The following ANK3 variants were observed in gnomAD, a reference collection of about 807,000 sequenced individuals.
ANK3 encodes ankyrin 3, also known as ankyrin-3.
ANK3 carries 57 observed loss-of-function variants against 370.9 expected under a neutral mutation model. The observed-to-expected ratio is 0.15, with a 90% CI of 0.12 to 0.19. The LOEUF (loss-of-function observed/expected upper bound fraction) is 0.19. Among genes scored for constraint, ANK3 ranks in the 10% least tolerant of loss-of-function variants. The pLI, the probability that ANK3 is intolerant of heterozygous loss-of-function variation, is 1.00. For synonymous variants in ANK3, 1,929 were observed against 1,946.3 expected (o/e 0.99, Z 0.23); for missense variants, 4,439 against 5,302.1 (o/e 0.84, Z 5.06).
At chr10:60,109,756 T>C (rs947595420) in intron 26 of ANK3, among the ~76,000 whole-genome samples, 2 of 152,236 alleles carry the variant, frequency 1.3e-5, no homozygotes, top group Non-Finnish European at 2.9e-5. Flanking sequence ...AATTCTGTCA[T>C]TGGCCTTTTA....
At position 60,072,192 on chromosome 10, in the gene ANK3, A is replaced by G. The variant is rs775667996; in HGVS notation, c.8689T>C (p.Phe2897Leu). 7 of 1,613,886 alleles carry G rather than the reference A, an allele frequency of 4.3e-6. No homozygotes were observed. The highest frequency in any genetic ancestry group is 1.7e-6 in the Non-Finnish European group (2 of 1,179,968). ...ESKSVDQKNE[F>L]MSVTERERKL... ...CGTTCTCTCTCAGTCACAGACATAA[A>G]TTCATTCTTTTGATCAACACTTTTA... The change falls in exon 37 of 44, where the codon TTT becomes CTT. Residue 2897 changes from phenylalanine (F) to leucine (L), a missense_variant. Coordinates refer to ENST00000280772, the MANE Select transcript of ANK3 (RefSeq NM_020987.5).
At chr10:60,254,612 A>G (rs973255825) in intron 7 of ANK3, among the ~76,000 whole-genome samples, 2 of 152,220 alleles carry the variant, frequency 1.3e-5, no homozygotes, top group Non-Finnish European at 2.9e-5. Flanking sequence ...TTCCAAGGTC[A>G]TCTACAGAGC....
chr10:60,095,618 A>C (rs2089951730), intron 28 of ANK3, among the ~76,000 whole-genome samples: 1 of 152,190 alleles, frequency 6.6e-6, no homozygotes, highest in African/African-American at 2.4e-5. Flanking sequence ...CCTGGCCTCA[A>C]GCAATCCTCT....
At chr10:60,643,557 T>C (rs1054032183) in intron 1 of ANK3, among the ~76,000 whole-genome samples, 1 of 149,466 alleles carries the variant, frequency 6.7e-6, no homozygotes, top group African/African-American at 2.5e-5. Flanking sequence ...TCCATCCTAT[T>C]AGCTCTGTAC....
intron 2 of ANK3, among the ~76,000 whole-genome samples, chr10:60,400,009 AGTGTGTGTGTGTGTGTGTGTGTGT>A (rs60224309): frequency 2.7e-5 from 4 of 145,878 alleles, no homozygotes; most frequent in Non-Finnish European, 3.0e-5. Context: ...CCTCCAATAC[AGTGTGTGTGTGTGTGTGTGTGTGT>A]GTGTGTGTGT....
Position 60,470,365 on chromosome 10 carries a change from A to AC in ANK3, c.96+144820dup, listed in dbSNP as rs1285455300. On this transcript the variant is annotated intron_variant, in intron 2 of 43. Transcript: ENST00000373827. ...GTTAGATAACCATGACAATAAATAA[A>AC]CCACAATGATTTCTTGCAAGTCAAC... Among the ~76,000 whole-genome samples, 6 of 152,174 alleles carry AC rather than the reference A, an allele frequency of 3.9e-5. No individual in the cohort carries two copies. The East Asian group carries it at 1.2e-3, about 29-fold the overall frequency.
At chr10:60,617,399 C>T (rs2078280742) in intron 1 of ANK3, among the ~76,000 whole-genome samples, 1 of 152,094 alleles carries the variant, frequency 6.6e-6, no homozygotes, top group African/African-American at 2.4e-5. Flanking sequence ...CACAGACTTT[C>T]CCCAGCACCA....
intron 7 of ANK3, among the ~76,000 whole-genome samples, chr10:60,250,717 C>T (rs1439586084): frequency 6.6e-6 from 1 of 152,124 alleles, no homozygotes; most frequent in East Asian, 1.9e-4. Context: ...GACAAGCCTG[C>T]CTTATATTTC....
intron 1 of ANK3, among the ~76,000 whole-genome samples, chr10:60,623,000 C>T (rs543921816): frequency 6.6e-6 from 1 of 152,208 alleles, no homozygotes; most frequent in African/African-American, 2.4e-5. Flanking sequence ...CCATACAGAA[C>T]TTAAGAGGGC....
At chr10:60,488,929 C>T (rs906102049) in intron 2 of ANK3, among the ~76,000 whole-genome samples, 1 of 152,178 alleles carries the variant, frequency 6.6e-6, no homozygotes, top group African/African-American at 2.4e-5. Flanking sequence ...CATTACCAAA[C>T]ATAGCCTTGG....
chr10:60,470,685 C>A (rs1186555120), intron 2 of ANK3, among the ~76,000 whole-genome samples: 1 of 152,062 alleles, frequency 6.6e-6, no homozygotes, highest in African/African-American at 2.4e-5. Context: ...GCTCTTACTG[C>A]AACCCTTCCA....
At chr10:60,260,725 T>C (rs180711114) in intron 7 of ANK3, among the ~76,000 whole-genome samples, 41 of 152,248 alleles carry the variant, frequency 2.7e-4, no homozygotes, top group African/African-American at 9.4e-4. Flanking sequence ...ACAGCACCAC[T>C]CTTCTTGCTC....
chr10:60,042,947 G>A, intron 42 of ANK3, 188 bp from the exon 43 acceptor site: 1 of 1,386,572 alleles, frequency 7.2e-7, no homozygotes, highest in Non-Finnish European at 9.3e-7. Context: ...GCAAGCTAGA[G>A]AGCACTGTCA....
At position 60,696,432 on chromosome 10, in the gene ANK3, G is replaced by A. The variant is rs1473960811; in HGVS notation, c.57+36831C>T. On this transcript the variant is annotated intron_variant, in intron 1 of 43. Coordinates refer to the ANK3 transcript ENST00000373827. ...CCAGCATCATCCTGATACCAAAGCC[G>A]GGCAGAGACACAACCAAAAAAGAGA... Among the ~76,000 whole-genome samples the A allele has an allele frequency of 5.3e-5, 8 of 150,512 alleles. No individual in the cohort carries two copies. The East Asian group carries it at 7.8e-4, about 15-fold the overall frequency.
At chr10:60,387,557 T>C (rs1049541478) in intron 1 of ANK3, among the ~76,000 whole-genome samples, 1 of 152,208 alleles carries the variant, frequency 6.6e-6, no homozygotes, top group Non-Finnish European at 1.5e-5. Context: ...ACAACAGCAA[T>C]GAAAGTGTTA....
At chr10:60,130,864 C>T (rs555599227) in intron 25 of ANK3, among the ~76,000 whole-genome samples, 28 of 152,192 alleles carry the variant, frequency 1.8e-4, no homozygotes, top group African/African-American at 6.7e-4. Flanking sequence ...GTTAATGCAC[C>T]TCTTTCAGGA....
At chr10:60,113,393 C>T (rs2092851520) in intron 26 of ANK3, among the ~76,000 whole-genome samples, 1 of 152,068 alleles carries the variant, frequency 6.6e-6, no homozygotes, top group African/African-American at 2.4e-5. Context: ...AATGACAATA[C>T]CAGAGCTTAC....
At chr10:60,599,698 C>T (rs977727345) in intron 2 of ANK3, among the ~76,000 whole-genome samples, 3 of 152,252 alleles carry the variant, frequency 2.0e-5, no homozygotes, top group African/African-American at 4.8e-5. Context: ...CATCTCTCTC[C>T]GTAATCTATT....
intron 23 of ANK3, among the ~76,000 whole-genome samples, chr10:60,152,056 G>A (rs2095147115): frequency 6.6e-6 from 1 of 152,188 alleles, no homozygotes; most frequent in East Asian, 1.9e-4. Context: ...ATGGAATCCT[G>A]AGGGGGGACA....
Sources: gnomAD v4.1 joint callset for allele counts (sites outside exome capture counted in the v4.1 genomes callset) on GRCh38, gnomAD v4.1.1 for gene constraint, MANE v1.5 for transcripts, NCBI Gene and HGNC (gene_info 2026-07-23, HGNC 2026-07-21) for gene names.